DDC: variants seen among roughly 807,000 people sequenced by gnomAD.
The protein encoded by DDC is dopa decarboxylase.
Under a neutral mutation model 60.0 loss-of-function variants are expected in DDC, and 43 were observed. The observed-to-expected ratio is 0.72, with a 90% CI of 0.56 to 0.92. The LOEUF (loss-of-function observed/expected upper bound fraction) is 0.92. DDC is among the 40% of genes least tolerant of loss of function. DDC has a pLI of 0.00. For synonymous variants in DDC, 232 were observed against 234.6 expected (o/e 0.99, Z 0.10); for missense variants, 573 against 620.2 (o/e 0.92, Z 0.81).
Position 50,529,302 on chromosome 7 carries a change from G to C in DDC, c.476C>G (p.Ala159Gly). Reference protein sequence around the residue: ...SEATLVALLAARTKVIHRLQA... With the variant: ...SEATLVALLAGRTKVIHRLQA... The stretch of plus-strand genomic sequence containing the variant: ...CAGCCGATGGATCACTTTGGTCCGA[G>C]CGGCCAGCAGGGCCACCAGGGTGGC... The change falls in exon 5 of 15, where the codon GCT becomes GGT. Residue 159 changes from alanine (A) to glycine (G), a missense_variant. Coordinates refer to ENST00000444124, the MANE Select transcript of DDC (RefSeq NM_001082971.2). The C allele has an allele frequency of 6.2e-7, 1 of 1,614,210 alleles. No homozygotes were observed. The highest frequency in any genetic ancestry group is 8.5e-7 in the Non-Finnish European group (1 of 1,180,048).
intron 1 of DDC, among the ~76,000 whole-genome samples, chr7:50,547,516 C>T (rs1302559036): frequency 2.6e-5 from 4 of 152,252 alleles, no homozygotes; most frequent in South Asian, 4.1e-4. Context: ...CGCACCTGCC[C>T]GATAAATACT....
chr7:50,462,291 A>T (rs2042296075), intron 14 of DDC, among the ~76,000 whole-genome samples: 1 of 151,962 alleles, frequency 6.6e-6, no homozygotes, highest in South Asian at 2.1e-4. Context: ...ACAGGATGAC[A>T]TTCTTAAGAT....
intron 1 of DDC, among the ~76,000 whole-genome samples, chr7:50,551,596 C>CT (rs1437731471): frequency 6.6e-6 from 1 of 152,078 alleles, no homozygotes; most frequent in Non-Finnish European, 1.5e-5. Context: ...ATTTGGATTA[C>CT]TTTTTTACTG....
Position 50,507,589 on chromosome 7 carries a change from C to T in DDC, c.715-3530G>A, listed in dbSNP as rs531410221. 3.3e-5 allele frequency among the ~76,000 whole-genome samples: 5 copies of T among 152,262 alleles called. No homozygotes were observed. The East Asian group carries it at 9.6e-4, about 29-fold the overall frequency. On this transcript the variant is annotated intron_variant, in intron 6 of 14. Coordinates refer to ENST00000444124, the MANE Select transcript of DDC (RefSeq NM_001082971.2). ...TGCCCTTATTAAAATTATTTTCTCT[C>T]TATTAATGTGTGCATAGAAGAGTAT...
chr7:50,503,529 A>G (rs575674886), intron 7 of DDC, among the ~76,000 whole-genome samples: 8 of 152,226 alleles, frequency 5.3e-5, no homozygotes, highest in Non-Finnish European at 8.8e-5. Context: ...CATTGTGTTG[A>G]TTTGCTAAAC....
At chr7:50,516,179 T>C (rs1033294421) in intron 6 of DDC, among the ~76,000 whole-genome samples, 3 of 152,102 alleles carry the variant, frequency 2.0e-5, no homozygotes, top group African/African-American at 7.2e-5. Context: ...TAATAGGCCA[T>C]AAAACAAACA....
intron 6 of DDC, among the ~76,000 whole-genome samples, chr7:50,522,919 G>C (rs1048366091): frequency 6.6e-6 from 1 of 152,144 alleles, no homozygotes; most frequent in Non-Finnish European, 1.5e-5. Flanking sequence ...AGAGCAAAGG[G>C]AGAGGTGCTA....
intron 1 of DDC, among the ~76,000 whole-genome samples, chr7:50,562,494 T>C (rs1397407843): frequency 6.6e-6 from 1 of 152,204 alleles, no homozygotes; most frequent in Non-Finnish European, 1.5e-5. Flanking sequence ...GCCGTGAGCA[T>C]TGGAGGTCTG....
chr7:50,463,001 C>G (rs1219569447), intron 14 of DDC, among the ~76,000 whole-genome samples: 1 of 152,156 alleles, frequency 6.6e-6, no homozygotes, highest in African/African-American at 2.4e-5. Flanking sequence ...ATCTCTTGAC[C>G]TCATGATCTG....
At chr7:50,537,499 T>A (rs1480957025) in intron 4 of DDC, among the ~76,000 whole-genome samples, 1 of 152,258 alleles carries the variant, frequency 6.6e-6, no homozygotes. Flanking sequence ...AATGAGTTAA[T>A]GCCTGGAAAA....
At chr7:50,466,156 C>G (rs1483191594) in intron 13 of DDC, among the ~76,000 whole-genome samples, 1 of 152,168 alleles carries the variant, frequency 6.6e-6, no homozygotes, top group Non-Finnish European at 1.5e-5. Context: ...TTAATTTGAA[C>G]AAGGAAGCCT....
rs573468313 is a variant in DDC at position 50,515,899 on chromosome 7, C to T, written c.715-11840G>A. Among the ~76,000 whole-genome samples, 184 of 152,222 alleles carry T rather than the reference C, an allele frequency of 1.2e-3. 2 individuals carry two copies. The South Asian group carries it at 0.032, about 27-fold the overall frequency. ...ATTGTAATCCTACATATATATGTGC[C>T]TATTACTAGAGTTCCCAAATTGATC... On this transcript the variant is annotated intron_variant, in intron 6 of 14. Transcript: ENST00000444124.
At chr7:50,471,170 T>A (rs1425955755) in intron 11 of DDC, among the ~76,000 whole-genome samples, 1 of 152,160 alleles carries the variant, frequency 6.6e-6, no homozygotes, top group African/African-American at 2.4e-5. Context: ...GGCAGGTGGA[T>A]CACCTGAGGT....
intron 2 of DDC, among the ~76,000 whole-genome samples, chr7:50,541,966 G>A (rs1170203591): frequency 1.3e-5 from 2 of 152,150 alleles, no homozygotes; most frequent in African/African-American, 4.8e-5. Flanking sequence ...GGCTTGGGGA[G>A]TGGTGGAGAG....
intron 11 of DDC, among the ~76,000 whole-genome samples, chr7:50,475,308 A>G (rs1203512106): frequency 1.3e-5 from 2 of 152,252 alleles, no homozygotes; most frequent in Non-Finnish European, 2.9e-5. Context: ...TTTCCAAAAG[A>G]TAAGTCAGAT....
chr7:50,524,738 A>G (rs2043994128), intron 6 of DDC, among the ~76,000 whole-genome samples: 1 of 152,248 alleles, frequency 6.6e-6, no homozygotes. Flanking sequence ...AAAATAATAC[A>G]GTCACTCTGG....
chr7:50,463,160 A>T, intron 14 of DDC, 53 bp downstream of exon 14: 1 of 1,457,744 alleles, frequency 6.9e-7, no homozygotes, highest in Non-Finnish European at 9.4e-7. Flanking sequence ...CCAGGAGGAC[A>T]CTCTTGCCAC....
intron 6 of DDC, among the ~76,000 whole-genome samples, chr7:50,524,757 T>C (rs537517383): frequency 6.6e-6 from 1 of 152,356 alleles, no homozygotes; most frequent in African/African-American, 2.4e-5. Flanking sequence ...GGAAAATACC[T>C]TGTCAGTTTC....
At chr7:50,541,639 C>G (rs1308286105) in intron 2 of DDC, among the ~76,000 whole-genome samples, 1 of 152,108 alleles carries the variant, frequency 6.6e-6, no homozygotes, top group Non-Finnish European at 1.5e-5. Flanking sequence ...AGGAAGAGAG[C>G]CCTCACCTGA....
Sources: allele counts gnomAD v4.1 joint callset (sites outside exome capture counted in the v4.1 genomes callset), GRCh38; gene constraint gnomAD v4.1.1; transcripts MANE v1.5; gene names NCBI Gene and HGNC (gene_info 2026-07-23, HGNC 2026-07-21).